ADAM18: variants seen among roughly 807,000 people sequenced by gnomAD.
ADAM18 encodes ADAM metallopeptidase domain 18, also known as disintegrin and metalloproteinase domain-containing protein 18.
Under a neutral mutation model 94.4 loss-of-function variants are expected in ADAM18, and 117 were observed. That is an observed-to-expected ratio of 1.24 (90% CI 1.07 to 1.45). The LOEUF is 1.45. Among genes scored for constraint, ADAM18 ranks in the 40% most tolerant of loss-of-function variants. ADAM18 has a pLI of 0.00. For missense variants in ADAM18, 936 were observed against 880.0 expected (o/e 1.06, Z -0.81); for synonymous variants, 327 against 291.6 (o/e 1.12, Z -1.24).
intron 6 of ADAM18, among the ~76,000 whole-genome samples, chr8:39,627,623 T>A (rs1014830093): frequency 1.1e-4 from 16 of 152,114 alleles, no homozygotes; most frequent in Non-Finnish European, 2.1e-4. Flanking sequence ...TAGGTGAGTC[T>A]CTAGAAGACA....
chr8:39,654,368 C>T (rs530542454), intron 12 of ADAM18, among the ~76,000 whole-genome samples: 2 of 151,450 alleles, frequency 1.3e-5, no homozygotes, highest in Admixed American at 6.5e-5. Flanking sequence ...CCGCACCTGG[C>T]TGATTTCATT....
At chr8:39,602,623 G>T (rs1818939692) in intron 2 of ADAM18, among the ~76,000 whole-genome samples, 1 of 152,068 alleles carries the variant, frequency 6.6e-6, no homozygotes, top group South Asian at 2.1e-4. Flanking sequence ...TTCTTTGTAA[G>T]ATTCAGACAT....
At chr8:39,675,973 T>C (rs1288534225) in intron 14 of ADAM18, among the ~76,000 whole-genome samples, 1 of 152,116 alleles carries the variant, frequency 6.6e-6, no homozygotes, top group Admixed American at 6.5e-5. Flanking sequence ...GAACAGCAAA[T>C]ATTGCAGAAC....
chr8:39,598,597 G>A (rs965885609), intron 2 of ADAM18, among the ~76,000 whole-genome samples: 5 of 151,834 alleles, frequency 3.3e-5, no homozygotes, highest in African/African-American at 9.7e-5. Flanking sequence ...GCAAAACCTG[G>A]TCTCTACTAA....
chr8:39,595,602 C>T (rs546436662), intron 2 of ADAM18, among the ~76,000 whole-genome samples: 38 of 152,228 alleles, frequency 2.5e-4, no homozygotes, highest in Non-Finnish European at 1.5e-5. Flanking sequence ...CTCACTGTAA[C>T]CTCTGCCTCA....
intron 12 of ADAM18, among the ~76,000 whole-genome samples, chr8:39,662,932 G>A (rs1393538330): frequency 6.6e-6 from 1 of 152,074 alleles, no homozygotes; most frequent in Non-Finnish European, 1.5e-5. Flanking sequence ...GCCCCTATTT[G>A]AATAATAATT....
At chr8:39,722,603 C>T (rs1822791334) in intron 18 of ADAM18, among the ~76,000 whole-genome samples, 1 of 151,444 alleles carries the variant, frequency 6.6e-6, no homozygotes, top group African/African-American at 2.4e-5. Flanking sequence ...GATAGGTACA[C>T]TAAAAGCCTA....
intron 18 of ADAM18, among the ~76,000 whole-genome samples, chr8:39,722,088 A>G (rs1189455884): frequency 3.3e-5 from 5 of 150,030 alleles, no homozygotes; most frequent in African/African-American, 4.9e-5. Context: ...ATATATATCA[A>G]TGGAGGACTG....
At chr8:39,598,014 A>G (rs1425753423) in intron 2 of ADAM18, among the ~76,000 whole-genome samples, 4 of 152,162 alleles carry the variant, frequency 2.6e-5, no homozygotes, top group Admixed American at 1.3e-4. Context: ...GTATCTAAAT[A>G]TTTTGAGTTT....
At chr8:39,637,019 T>TTATATATATATATATA (rs35248371) in intron 7 of ADAM18, among the ~76,000 whole-genome samples, 1 of 54,852 alleles carries the variant, frequency 1.8e-5, no homozygotes, top group African/African-American at 6.0e-5. Flanking sequence ...TGTGTGTATT[T>TTATATATATATATATA]TATATATATA....
At chr8:39,615,628 A>C (rs1488556083) in intron 6 of ADAM18, among the ~76,000 whole-genome samples, 2 of 152,196 alleles carry the variant, frequency 1.3e-5, no homozygotes, top group Admixed American at 6.5e-5. Context: ...AAAAGCTGGA[A>C]GCATTCCTCT....
intron 6 of ADAM18, among the ~76,000 whole-genome samples, chr8:39,623,009 T>C (rs1408651206): frequency 6.6e-6 from 1 of 152,164 alleles, no homozygotes; most frequent in African/African-American, 2.4e-5. Context: ...ATGTGGCTTT[T>C]AATCCCTCAC....
At chr8:39,612,888 C>T (rs546479193) in intron 6 of ADAM18, among the ~76,000 whole-genome samples, 1 of 152,228 alleles carries the variant, frequency 6.6e-6, no homozygotes, top group African/African-American at 2.4e-5. Flanking sequence ...CCTCCTCCCA[C>T]CACTTTGTTG....
chr8:39,726,198 T>C (rs1822901225), intron 19 of ADAM18, among the ~76,000 whole-genome samples: 1 of 151,240 alleles, frequency 6.6e-6, no homozygotes, highest in Non-Finnish European at 1.5e-5. Flanking sequence ...TCTATTAAGC[T>C]TCTTTGACAA....
At chr8:39,594,793 GTTTTTTTT>G (rs71237182) in intron 2 of ADAM18, among the ~76,000 whole-genome samples, 9 of 46,850 alleles carry the variant, frequency 1.9e-4, no homozygotes, top group East Asian at 6.3e-4. Flanking sequence ...TTTGCTGTGA[GTTTTTTTT>G]TTTTTTTTTT....
chr8:39,672,977 G>T (rs1167482153), intron 14 of ADAM18, among the ~76,000 whole-genome samples: 1 of 152,144 alleles, frequency 6.6e-6, no homozygotes, highest in Non-Finnish European at 1.5e-5. Flanking sequence ...CAGACCTAGT[G>T]TATATAATTG....
At chr8:39,676,153 T>G (rs888706459) in intron 14 of ADAM18, among the ~76,000 whole-genome samples, 1 of 152,234 alleles carries the variant, frequency 6.6e-6, no homozygotes, top group African/African-American at 2.4e-5. Flanking sequence ...TCAAATGTCA[T>G]GCTGGGAGAA....
intron 14 of ADAM18, among the ~76,000 whole-genome samples, chr8:39,675,123 G>T (rs552005737): frequency 1.6e-4 from 25 of 152,224 alleles, no homozygotes; most frequent in Admixed American, 1.2e-3. Context: ...TTCTCAAGGA[G>T]TATCTTTGTG....
intron 16 of ADAM18, among the ~76,000 whole-genome samples, chr8:39,685,711 A>C (rs1303658155): frequency 2.0e-5 from 3 of 152,058 alleles, no homozygotes; most frequent in Non-Finnish European, 4.4e-5. Flanking sequence ...TTTCCTTTTC[A>C]TTATAAATTC....
Sources: allele counts gnomAD v4.1 joint callset (sites outside exome capture counted in the v4.1 genomes callset), GRCh38; gene constraint gnomAD v4.1.1; transcripts MANE v1.5; gene names NCBI Gene and HGNC (gene_info 2026-07-23, HGNC 2026-07-21).